The following TANC1 variants were observed in gnomAD, a reference collection of about 807,000 sequenced individuals.
The protein encoded by TANC1 is tetratricopeptide repeat, ankyrin repeat and coiled-coil containing 1, also known as protein TANC1.
A neutral mutation model predicts 149.7 loss-of-function variants in TANC1; 77 were observed. The ratio of observed to expected loss-of-function variants is 0.51; its 90% CI spans 0.43 to 0.62. The LOEUF (loss-of-function observed/expected upper bound fraction) is 0.62. Ranked by LOEUF, TANC1 falls within the 20% of genes least tolerant of loss-of-function variation. The pLI is 0.00. For synonymous variants in TANC1, 854 were observed against 925.0 expected (o/e 0.92, Z 1.39); for missense variants, 1,985 against 2,321.8 (o/e 0.85, Z 2.98).
At chr2:159,083,699 G>T (rs1186905898) in intron 3 of TANC1, among the ~76,000 whole-genome samples, 1 of 152,138 alleles carries the variant, frequency 6.6e-6, no homozygotes, top group Non-Finnish European at 1.5e-5. Flanking sequence ...TCTTTTCCCA[G>T]AGTAACACTC....
chr2:159,188,209 TTACAG>T (rs753656766), intron 16 of TANC1, among the ~76,000 whole-genome samples: 1 of 152,254 alleles, frequency 6.6e-6, no homozygotes, highest in Non-Finnish European at 1.5e-5. Context: ...CTTGAACAAA[TTACAG>T]TAATTTTAAA....
At chr2:159,211,983 T>C (rs1441360113) in intron 19 of TANC1, among the ~76,000 whole-genome samples, 1 of 152,230 alleles carries the variant, frequency 6.6e-6, no homozygotes, top group Non-Finnish European at 1.5e-5. Context: ...TTGCTCCAAC[T>C]TGTGGTTTCT....
chr2:159,069,180 A>G (rs1425079657), intron 3 of TANC1, among the ~76,000 whole-genome samples: 2 of 152,244 alleles, frequency 1.3e-5, no homozygotes, highest in Non-Finnish European at 2.9e-5. Flanking sequence ...AAGTGTTTTC[A>G]GAAGGCAATA....
intron 1 of TANC1, among the ~76,000 whole-genome samples, chr2:158,973,127 T>C (rs2033140560): frequency 6.6e-6 from 1 of 152,172 alleles, no homozygotes; most frequent in South Asian, 2.1e-4. Flanking sequence ...GACAAAAGTG[T>C]TGCAGAGGGA....
At chr2:159,075,150 GA>G (rs1310170044) in intron 3 of TANC1, among the ~76,000 whole-genome samples, 1 of 151,846 alleles carries the variant, frequency 6.6e-6, no homozygotes, top group East Asian at 1.9e-4. Flanking sequence ...TACTAAGGAA[GA>G]AAAAAAGTCA....
Position 159,230,666 on chromosome 2 carries a change from C to G in TANC1, c.5240C>G (p.Pro1747Arg). 2 of 1,614,188 alleles carry G rather than the reference C, an allele frequency of 1.2e-6. No homozygotes were observed. Among genetic ancestry groups the G allele is most frequent in the South Asian group, 1.1e-5 (1 of 91,080 alleles). Residue 1747 changes from proline to arginine, a missense_variant, in exon 27 of 27, where the codon CCG (proline) becomes CGG (arginine). Transcript: ENST00000263635. This position sits in a 1 kb window ranked among gnomAD's most constrained non-coding sequence, Gnocchi z 4.4. ...SNPPSRSWHC[P>R]APEGLLTNTS... ...CCTCCAAGCCGCAGCTGGCACTGTCCGGCACCAGAGGGGCTGCTGACAAAC... is the reference window on the plus strand; with the variant it reads ...CCTCCAAGCCGCAGCTGGCACTGTCGGGCACCAGAGGGGCTGCTGACAAAC...
intron 19 of TANC1, among the ~76,000 whole-genome samples, chr2:159,209,191 A>T (rs1293042329): frequency 6.6e-6 from 1 of 152,196 alleles, no homozygotes; most frequent in Admixed American, 6.5e-5. Context: ...TGTCCCAGAC[A>T]CCAAGGCTTG....
At chr2:159,218,421 A>G (rs987849093) in intron 20 of TANC1, among the ~76,000 whole-genome samples, 2 of 152,116 alleles carry the variant, frequency 1.3e-5, no homozygotes, top group Non-Finnish European at 2.9e-5. Flanking sequence ...CACCTTGATC[A>G]TCTGGCTAAT....
chr2:159,029,550 T>C (rs1288865656), intron 2 of TANC1, among the ~76,000 whole-genome samples: 1 of 152,228 alleles, frequency 6.6e-6, no homozygotes, highest in Non-Finnish European at 1.5e-5. Flanking sequence ...ACTTAGTATT[T>C]CTTGCTTAAC....
At chr2:159,125,253 C>T (rs1032313288) in intron 4 of TANC1, among the ~76,000 whole-genome samples, 1 of 152,198 alleles carries the variant, frequency 6.6e-6, no homozygotes, top group African/African-American at 2.4e-5. Flanking sequence ...TTGTCCTTTT[C>T]AGGAGTCTGC....
chr2:158,981,209 C>G (rs548393070), intron 1 of TANC1, among the ~76,000 whole-genome samples: 1 of 151,816 alleles, frequency 6.6e-6, no homozygotes, highest in South Asian at 2.1e-4. Context: ...AATCCTGGCA[C>G]TTTGGGAGGT....
chr2:159,129,246 C>G (rs190287355), intron 4 of TANC1, among the ~76,000 whole-genome samples: 102 of 152,286 alleles, frequency 6.7e-4, no homozygotes, highest in African/African-American at 2.3e-3. Context: ...TAATCCCTGC[C>G]CTTCTCCCTT....
chr2:159,104,981 CTTTTTTTTTTTTTTTTTT>C (rs146778655), intron 4 of TANC1, among the ~76,000 whole-genome samples: 14 of 43,380 alleles, frequency 3.2e-4, no homozygotes, highest in South Asian at 1.5e-3. Flanking sequence ...TGGATATTTG[CTTTTTTTTTTTTTTTTTT>C]TTTTTTTTTT....
intron 1 of TANC1, among the ~76,000 whole-genome samples, chr2:158,976,803 C>T (rs1196407083): frequency 3.3e-5 from 5 of 152,080 alleles, no homozygotes; most frequent in African/African-American, 1.2e-4. Context: ...ATCACTTGAA[C>T]CTGGGAGGTG....
At chr2:158,987,340 A>G (rs1161260481) in intron 1 of TANC1, among the ~76,000 whole-genome samples, 2 of 152,084 alleles carry the variant, frequency 1.3e-5, no homozygotes, top group African/African-American at 4.8e-5. Flanking sequence ...AGCCTGGGCA[A>G]CATGGCAAAA....
chr2:159,228,524 G>T, intron 25 of TANC1: 1 of 435,052 alleles, frequency 2.3e-6, no homozygotes, highest in Non-Finnish European at 4.2e-6. Context: ...TCCTCTCTGA[G>T]GCTGCCCCTC....
chr2:159,114,341 A>G (rs1003059323), intron 4 of TANC1, among the ~76,000 whole-genome samples: 1 of 152,252 alleles, frequency 6.6e-6, no homozygotes, highest in Admixed American at 6.5e-5. Flanking sequence ...GGCCAGGTCA[A>G]GGAGCTATCC....
intron 14 of TANC1, among the ~76,000 whole-genome samples, chr2:159,184,027 G>A (rs2056748542): frequency 1.3e-5 from 2 of 152,182 alleles, no homozygotes; most frequent in African/African-American, 4.8e-5. Context: ...AGCTCCGCAG[G>A]TTAAGAGCAC....
chr2:159,091,603 C>T (rs1365829850), intron 3 of TANC1, among the ~76,000 whole-genome samples: 1 of 152,118 alleles, frequency 6.6e-6, no homozygotes, highest in Non-Finnish European at 1.5e-5. Context: ...GGTTCTATAA[C>T]CATTGAGTAT....
Sources: allele counts gnomAD v4.1 joint callset (sites outside exome capture counted in the v4.1 genomes callset), GRCh38; gene constraint gnomAD v4.1.1; non-coding constraint Gnocchi (gnomAD v3.1); transcripts MANE v1.5; gene names NCBI Gene and HGNC (gene_info 2026-07-23, HGNC 2026-07-21).